NBEA: variants seen among roughly 807,000 people sequenced by gnomAD.
NBEA encodes neurobeachin, also known as lysosomal-trafficking regulator 2.
In NBEA, 44 loss-of-function variants were observed where a neutral mutation model predicts 343.4. The observed-to-expected ratio is 0.13, with a 90% CI of 0.10 to 0.16. The LOEUF (loss-of-function observed/expected upper bound fraction) is 0.16. Among genes scored for constraint, NBEA ranks in the 10% least tolerant of loss-of-function variants. The probability of loss-of-function intolerance (pLI) is 1.00; values close to 1 mark genes in which losing one functional copy is unlikely to be tolerated. For synonymous variants in NBEA, 1,175 were observed against 1,238.7 expected (o/e 0.95, Z 1.08); for missense variants, 2,555 against 3,631.3 (o/e 0.70, Z 7.62).
chr13:35,481,662 A>G (rs955671134), intron 41 of NBEA, among the ~76,000 whole-genome samples: 15 of 151,886 alleles, frequency 9.9e-5, no homozygotes, highest in Non-Finnish European at 2.2e-4. Flanking sequence ...TAATAAAACT[A>G]AAATCTTTTT....
chr13:35,096,582 T>C (rs1295024649), intron 10 of NBEA, among the ~76,000 whole-genome samples: 2 of 152,032 alleles, frequency 1.3e-5, no homozygotes, highest in East Asian at 1.9e-4. Context: ...TAGGGACCAT[T>C]GTGAGGCATT....
intron 38 of NBEA, among the ~76,000 whole-genome samples, chr13:35,428,458 C>G (rs2044861523): frequency 6.6e-6 from 1 of 152,186 alleles, no homozygotes; most frequent in African/African-American, 2.4e-5. Flanking sequence ...ATCCTGTCTT[C>G]CAATTAAGTG....
chr13:35,045,084 GTCCATT>G, intron 3 of NBEA, 37 bp downstream of exon 3: 10 of 1,518,506 alleles, frequency 6.6e-6, no homozygotes, highest in Non-Finnish European at 9.0e-6. Flanking sequence ...TTCAGTATCA[GTCCATT>G]AATACTTAAT....
chr13:35,641,218 G>A (rs2083932255), intron 49 of NBEA, among the ~76,000 whole-genome samples: 1 of 151,868 alleles, frequency 6.6e-6, no homozygotes, highest in Non-Finnish European at 1.5e-5. Context: ...TACATTTTGG[G>A]TTCACAAATA....
At chr13:35,323,247 A>G (rs533381963) in intron 36 of NBEA, among the ~76,000 whole-genome samples, 16 of 152,272 alleles carry the variant, frequency 1.1e-4, no homozygotes, top group Admixed American at 2.6e-4. Flanking sequence ...TCATGCTGCT[A>G]TAAAGACACA....
At chr13:35,020,712 G>GT (rs1267055854) in intron 1 of NBEA, among the ~76,000 whole-genome samples, 6 of 152,104 alleles carry the variant, frequency 3.9e-5, no homozygotes, top group Non-Finnish European at 8.8e-5. Context: ...TAGAGACAGG[G>GT]TTTTGCCATG....
chr13:35,160,549 G>A (rs1293608158), intron 22 of NBEA, among the ~76,000 whole-genome samples: 1 of 152,150 alleles, frequency 6.6e-6, no homozygotes, highest in Non-Finnish European at 1.5e-5. Context: ...TCCGGGCACT[G>A]TGCTATATGT....
At chr13:35,115,242 T>G (rs1473373493) in intron 13 of NBEA, among the ~76,000 whole-genome samples, 1 of 152,158 alleles carries the variant, frequency 6.6e-6, no homozygotes. Flanking sequence ...TACTCATGCA[T>G]ACATATAGGT....
intron 45 of NBEA, among the ~76,000 whole-genome samples, chr13:35,571,534 A>AT (rs1372808965): frequency 6.6e-6 from 1 of 152,198 alleles, no homozygotes; most frequent in Non-Finnish European, 1.5e-5. Context: ...TTGTTGAAAG[A>AT]TTTTAACACC....
At chr13:35,005,551 G>T (rs1268413909) in intron 1 of NBEA, among the ~76,000 whole-genome samples, 1 of 152,162 alleles carries the variant, frequency 6.6e-6, no homozygotes, top group Non-Finnish European at 1.5e-5. Context: ...TGCAAGTAGG[G>T]TAAAATATCA....
intron 39 of NBEA, among the ~76,000 whole-genome samples, chr13:35,436,439 A>G (rs1594632822): frequency 6.6e-6 from 1 of 152,208 alleles, no homozygotes; most frequent in Non-Finnish European, 1.5e-5. Context: ...GGCCGGGCGC[A>G]GTGGCTCACG....
intron 1 of NBEA, among the ~76,000 whole-genome samples, chr13:34,992,838 A>AT (rs2060809634): frequency 1.9e-5 from 1 of 53,588 alleles, no homozygotes; most frequent in African/African-American, 4.6e-5. Flanking sequence ...ACACCCGGCT[A>AT]ATTTTTTTTT....
chr13:35,156,040 G>T, intron 19 of NBEA, 43 bp from the exon 20 acceptor site: 1 of 1,549,486 alleles, frequency 6.5e-7, no homozygotes, highest in Non-Finnish European at 8.7e-7. Context: ...GTTGAACATA[G>T]GATATGGTTA....
chr13:35,207,600 T>C (rs1276720326), intron 31 of NBEA, among the ~76,000 whole-genome samples: 2 of 152,150 alleles, frequency 1.3e-5, no homozygotes, highest in African/African-American at 4.8e-5. Context: ...TTTTAAAAAC[T>C]GACTAATATC....
intron 38 of NBEA, among the ~76,000 whole-genome samples, chr13:35,395,367 CCTT>C (rs888396182): frequency 7.7e-4 from 117 of 152,058 alleles, no homozygotes; most frequent in African/African-American, 2.7e-3. Context: ...AGCACCTTCT[CCTT>C]CTCTCTCTTC....
chr13:35,123,735 A>C (rs2066922421), intron 17 of NBEA, among the ~76,000 whole-genome samples, 161 bp downstream of exon 17: 1 of 152,128 alleles, frequency 6.6e-6, no homozygotes, highest in African/African-American at 2.4e-5. Context: ...TATAAAATAT[A>C]TTTTATTAAT....
At chr13:35,211,296 A>T in intron 33 of NBEA, 117 bp downstream of exon 33, 1 of 883,106 alleles carries the variant, frequency 1.1e-6, no homozygotes. Flanking sequence ...TTTTGTGATT[A>T]CATTTCACAA....
At chr13:35,402,272 A>T (rs369483955) in intron 38 of NBEA, among the ~76,000 whole-genome samples, 1 of 152,026 alleles carries the variant, frequency 6.6e-6, no homozygotes, top group African/African-American at 2.4e-5. Context: ...AATAGTAAAA[A>T]TGAGTTCAAA....
At chr13:35,454,957 A>G (rs2046492291) in intron 40 of NBEA, among the ~76,000 whole-genome samples, 1 of 152,094 alleles carries the variant, frequency 6.6e-6, no homozygotes, top group African/African-American at 2.4e-5. Context: ...TTTATTTGCT[A>G]TCTCAGAAAT....
Sources: gnomAD v4.1 joint callset for allele counts (sites outside exome capture counted in the v4.1 genomes callset) on GRCh38, gnomAD v4.1.1 for gene constraint, MANE v1.5 for transcripts, NCBI Gene and HGNC (gene_info 2026-07-23, HGNC 2026-07-21) for gene names.